The following DTNB variants were observed in gnomAD, a reference collection of about 807,000 sequenced individuals.
DTNB encodes the protein dystrobrevin beta.
A neutral mutation model predicts 90.7 loss-of-function variants in DTNB; 63 were observed. The observed-to-expected ratio is 0.69, with a 90% CI of 0.57 to 0.86. The LOEUF is 0.86. Among genes scored for constraint, DTNB ranks in the 40% least tolerant of loss-of-function variants. The probability of loss-of-function intolerance (pLI) is 0.00; values close to 1 mark genes in which losing one functional copy is unlikely to be tolerated. For synonymous variants in DTNB, 277 were observed against 286.7 expected, an observed-to-expected ratio of 0.97 and a Z score of 0.34; for missense variants, 744 against 807.1, an observed-to-expected ratio of 0.92 and a Z score of 0.95.
chr2:25,651,571 T>C (rs1257981408), intron 2 of DTNB, among the ~76,000 whole-genome samples: 3 of 152,196 alleles, frequency 2.0e-5, no homozygotes, highest in Admixed American at 6.5e-5. Flanking sequence ...GCCTATCCAA[T>C]GCCAAAATTT....
At position 25,427,588 on chromosome 2, in the gene DTNB, C is replaced by T; in HGVS notation, c.1501G>A (p.Glu501Lys). The T allele has an allele frequency of 6.2e-7, 1 of 1,613,762 alleles. No homozygotes were observed. The highest frequency in any genetic ancestry group is 8.5e-7 in the Non-Finnish European group (1 of 1,179,858). Residue 501 changes from glutamate (E) to lysine (K), a missense_variant, in exon 15 of 21, where the codon GAG becomes AAG. Physicochemically the swap from Glu to Lys is moderately conservative, Grantham distance 56. Transcript: ENST00000406818. Reference protein sequence around the residue: ...ELEQRMSALQESRRELMVQLE... With the variant: ...ELEQRMSALQKSRRELMVQLE... ...TGGACCATCAGCTCCCGCCTGCTCT[C>T]CTGCAGGGCCGACATCCTCTGCTCC... is the stretch of plus-strand genomic sequence containing the variant.
intron 4 of DTNB, among the ~76,000 whole-genome samples, chr2:25,608,283 T>G (rs1191219557): frequency 6.6e-6 from 1 of 152,204 alleles, no homozygotes; most frequent in Non-Finnish European, 1.5e-5. Flanking sequence ...TCTAATACAG[T>G]GTTTCCCATT....
intron 8 of DTNB, among the ~76,000 whole-genome samples, chr2:25,547,378 G>A (rs984878786): frequency 7.0e-6 from 1 of 142,934 alleles, no homozygotes; most frequent in Admixed American, 7.2e-5. Context: ...AGGCTGGAGT[G>A]CAATGGCACA....
At chr2:25,391,397 A>G (rs1421440451) in intron 16 of DTNB, among the ~76,000 whole-genome samples, 2 of 152,200 alleles carry the variant, frequency 1.3e-5, no homozygotes, top group Non-Finnish European at 2.9e-5. Context: ...AAGAACTCTT[A>G]CAACTCAATA....
chr2:25,419,284 C>T, intron 16 of DTNB: 2 of 625,960 alleles, frequency 3.2e-6, no homozygotes, highest in Non-Finnish European at 5.7e-6. Flanking sequence ...ATGCGCACAA[C>T]AGATGGGTAC....
chr2:25,548,794 T>C (rs1281684167), intron 8 of DTNB, among the ~76,000 whole-genome samples: 1 of 152,214 alleles, frequency 6.6e-6, no homozygotes, highest in Non-Finnish European at 1.5e-5. Context: ...AGCAGAACCA[T>C]TCTGGCTGCT....
chr2:25,438,875 C>T, intron 12 of DTNB, among the ~76,000 whole-genome samples: 1 of 152,120 alleles, frequency 6.6e-6, no homozygotes, highest in South Asian at 2.1e-4. Flanking sequence ...ATGAAAATGG[C>T]ACTTTACCTT....
Position 25,419,561 on chromosome 2 carries a change from AG to A in DTNB, c.1555-27del, listed in dbSNP as rs777797990. On this transcript the variant is annotated intron_variant, in intron 15 of 20. Coordinates refer to ENST00000406818, the MANE Select transcript of DTNB (RefSeq NM_021907.5). ...CTGGAGTGTTGAAGATGAAAAAAAAAGGCAGAGGAAAAAAGGAGAGAAATTA... is the reference window on the plus strand; with the variant it reads ...CTGGAGTGTTGAAGATGAAAAAAAAAGCAGAGGAAAAAAGGAGAGAAATTA... 2.6e-5 allele frequency: 41 copies of A among 1,552,282 alleles called. 2 individuals carry two copies. The South Asian group carries it at 4.8e-4, about 18-fold the overall frequency.
chr2:25,440,786 T>G (rs1441617283), intron 12 of DTNB, among the ~76,000 whole-genome samples: 1 of 152,190 alleles, frequency 6.6e-6, no homozygotes, highest in Non-Finnish European at 1.5e-5. Context: ...GCTTCATCTA[T>G]CCCATATTTT....
intron 9 of DTNB, among the ~76,000 whole-genome samples, chr2:25,491,158 G>GACACACACACAC (rs59803099): frequency 0.24 from 35,587 of 150,458 alleles, 4,712 homozygotes; most frequent in South Asian, 0.32. Context: ...CACACACACA[G>GACACACACACAC]ACACACACAC....
chr2:25,482,972 T>C, intron 9 of DTNB, 99 bp from the exon 10 acceptor site: 14 of 1,258,416 alleles, frequency 1.1e-5, no homozygotes, highest in Non-Finnish European at 1.5e-5. Flanking sequence ...CCAATCATCA[T>C]TCGCGGTAAG....
chr2:25,634,095 T>A (rs1225818969), intron 3 of DTNB, among the ~76,000 whole-genome samples: 121 of 144,746 alleles, frequency 8.4e-4, no homozygotes, highest in African/African-American at 2.9e-3. Flanking sequence ...AGCCGCCCCG[T>A]CCGGGAGGGA....
At chr2:25,553,223 G>C (rs2056674524) in intron 8 of DTNB, among the ~76,000 whole-genome samples, 1 of 151,990 alleles carries the variant, frequency 6.6e-6, no homozygotes, top group Non-Finnish European at 1.5e-5. Flanking sequence ...GAGTAGCTGG[G>C]AGTATGCCTA....
chr2:25,634,291 G>C (rs1573785481), intron 3 of DTNB, among the ~76,000 whole-genome samples: 1 of 133,442 alleles, frequency 7.5e-6, no homozygotes, highest in Non-Finnish European at 1.7e-5. Context: ...AGGTGGGGGG[G>C]TCAGCCCCCC....
intron 14 of DTNB, among the ~76,000 whole-genome samples, chr2:25,430,134 T>C (rs1445787833): frequency 1.3e-5 from 2 of 152,154 alleles, no homozygotes; most frequent in African/African-American, 4.8e-5. Context: ...ATAGGTATTA[T>C]ATATGTAAAA....
chr2:25,552,633 A>T (rs1014318539), intron 8 of DTNB, among the ~76,000 whole-genome samples: 5 of 152,108 alleles, frequency 3.3e-5, no homozygotes, highest in Non-Finnish European at 7.4e-5. Flanking sequence ...CTTTTCACAG[A>T]GATTCTTCAG....
At position 25,628,402 on chromosome 2, in the gene DTNB, T is replaced by C. The variant is rs2074923571; in HGVS notation, c.149-18A>G. 6.2e-7 allele frequency: 1 copy of C among 1,604,342 alleles called. No homozygotes were observed. Among genetic ancestry groups the C allele is most frequent in the Non-Finnish European group, 8.5e-7 (1 of 1,175,476 alleles). On this transcript the variant is annotated intron_variant, in intron 3 of 20. Transcript: ENST00000406818. The stretch of plus-strand genomic sequence containing the variant: ...AAGATGAACTAAAAGACAAAGAAAA[T>C]AAACTGTCAACAATTTTAAAGTGTG...
chr2:25,608,755 C>T (rs1481394150), intron 4 of DTNB, among the ~76,000 whole-genome samples: 2 of 152,140 alleles, frequency 1.3e-5, no homozygotes, highest in African/African-American at 4.8e-5. Context: ...GACAAGTAGA[C>T]TTTCCACTAC....
chr2:25,490,534 T>C (rs536055092), intron 9 of DTNB, among the ~76,000 whole-genome samples: 1 of 152,078 alleles, frequency 6.6e-6, no homozygotes, highest in Non-Finnish European at 1.5e-5. Context: ...TAATTAGAAA[T>C]GCACAAAGAG....
Sources: gnomAD v4.1 joint callset for allele counts (sites outside exome capture counted in the v4.1 genomes callset) on GRCh38, gnomAD v4.1.1 for gene constraint, MANE v1.5 for transcripts, NCBI Gene and HGNC (gene_info 2026-07-23, HGNC 2026-07-21) for gene names.